Variants in TPRG1 observed in about 807,000 individuals in gnomAD.
The protein encoded by TPRG1 is tumor protein p63 regulated 1.
In TPRG1, 29 loss-of-function variants were observed where a neutral mutation model predicts 29.3. The observed-to-expected ratio is 0.99, with a 90% CI of 0.74 to 1.35. The LOEUF (loss-of-function observed/expected upper bound fraction) is 1.35, where lower values mean the gene tolerates loss of function less well. Among genes scored for constraint, TPRG1 ranks in the 40% most tolerant of loss-of-function variants. The pLI is 0.00. For missense variants in TPRG1, 327 were observed against 335.0 expected, an observed-to-expected ratio of 0.98 and a Z score of 0.19; for synonymous variants, 130 against 116.8, an observed-to-expected ratio of 1.11 and a Z score of -0.73.
At chr3:189,069,527 A>C (rs191719991) in intron 4 of TPRG1, among the ~76,000 whole-genome samples, 15 of 151,900 alleles carry the variant, frequency 9.9e-5, no homozygotes, top group African/African-American at 3.6e-4. Context: ...CATGGTATTT[A>C]TCTATATTAT....
At chr3:189,113,774 GGGGGGAC>G (rs1190867451) in intron 1 of TPRG1, among the ~76,000 whole-genome samples, 6 of 151,784 alleles carry the variant, frequency 4.0e-5, no homozygotes, top group Admixed American at 3.9e-4. Flanking sequence ...GTTGTGGGGT[GGGGGGAC>G]GGGGGACGGA....
chr3:189,264,011 A>T (rs1440002982), intron 4 of TPRG1, among the ~76,000 whole-genome samples: 3 of 152,140 alleles, frequency 2.0e-5, no homozygotes, highest in Non-Finnish European at 2.9e-5. Context: ...TACCCTTTTA[A>T]TTCTGGTTAA....
intron 4 of TPRG1, among the ~76,000 whole-genome samples, chr3:189,036,026 C>T (rs900723511): frequency 6.6e-6 from 1 of 151,842 alleles, no homozygotes; most frequent in Non-Finnish European, 1.5e-5. Flanking sequence ...AATCTAGATG[C>T]CCATTACTAG....
Position 189,289,300 on chromosome 3 carries a change from C to T in TPRG1, c.480-21086C>T, listed in dbSNP as rs571415652. 5.9e-5 allele frequency among the ~76,000 whole-genome samples: 9 copies of T among 152,254 alleles called. No individual in the cohort carries two copies. The South Asian group carries it at 1.0e-3, about 18-fold the overall frequency. Reference sequence around the variant, plus strand: ...GTCATTTTTCACTTCTTTCTCCCCCCGACCCCAAATCCAATCAGGTTGTCA... The same window carrying T: ...GTCATTTTTCACTTCTTTCTCCCCCTGACCCCAAATCCAATCAGGTTGTCA... On this transcript the variant is annotated intron_variant, in intron 4 of 5. Transcript: ENST00000345063.
chr3:189,125,813 T>TTGTGTGTG lies in TPRG1; in HGVS notation c.-743-1192_-743-1185dup, dbSNP rs751689409. On this transcript the variant is annotated intron_variant, in intron 1 of 6. Transcript: ENST00000412373. ...TCAGAAGATGGAGCTGCAGGGTGTT[T>TTGTGTGTG]TGTGTGTGTGTGTGTGTGTGTGTGT... Among the ~76,000 whole-genome samples the TTGTGTGTG allele has an allele frequency of 2.3e-3, 286 of 124,132 alleles. 5 individuals are homozygous for TTGTGTGTG. The highest frequency in any genetic ancestry group is 8.3e-3 in the Middle Eastern group (2 of 240). 81.4% of individuals were successfully genotyped at this position (124,132 alleles called of 152,430 possible).
At chr3:189,229,928 G>A (rs951126094) in intron 3 of TPRG1, among the ~76,000 whole-genome samples, 1 of 152,186 alleles carries the variant, frequency 6.6e-6, no homozygotes, top group Non-Finnish European at 1.5e-5. Context: ...AACAATGGAG[G>A]TGGCAAGATG....
At chr3:189,157,530 G>A (rs949698914) in intron 5 of TPRG1, among the ~76,000 whole-genome samples, 1 of 152,146 alleles carries the variant, frequency 6.6e-6, no homozygotes. Context: ...GCTCTGTGAG[G>A]CAGCCACACA....
chr3:189,301,848 A>G (rs9819388), intron 4 of TPRG1, among the ~76,000 whole-genome samples: 10,917 of 152,228 alleles, frequency 0.072, 484 homozygotes, highest in African/African-American at 0.13. Flanking sequence ...CTGACTCCTC[A>G]GTGACTCCTC....
chr3:189,262,963 T>C (rs1268832475), intron 4 of TPRG1, among the ~76,000 whole-genome samples: 1 of 152,234 alleles, frequency 6.6e-6, no homozygotes, highest in East Asian at 1.9e-4. Flanking sequence ...CCCTCAGAGA[T>C]GGCAAGAGAG....
chr3:189,052,898 A>G (rs1039414937), intron 4 of TPRG1, among the ~76,000 whole-genome samples: 1 of 152,216 alleles, frequency 6.6e-6, no homozygotes, highest in Non-Finnish European at 1.5e-5. Flanking sequence ...ACGCAAAGCC[A>G]TAAGAATGAT....
At chr3:189,280,288 G>C (rs1716893563) in intron 4 of TPRG1, among the ~76,000 whole-genome samples, 1 of 98,890 alleles carries the variant, frequency 1.0e-5, no homozygotes, top group Admixed American at 8.7e-5. Context: ...TAAATGAATG[G>C]ATATATATAA....
At chr3:189,190,958 A>G in intron 1 of TPRG1, 1 of 985,386 alleles carries the variant, frequency 1.0e-6, no homozygotes, top group Non-Finnish European at 1.2e-6. Flanking sequence ...ATAAATATTC[A>G]CAGAAGCAAG....
intron 4 of TPRG1, among the ~76,000 whole-genome samples, chr3:189,276,520 A>T (rs1395062817): frequency 3.3e-5 from 5 of 152,146 alleles, no homozygotes; most frequent in Admixed American, 2.6e-4. Flanking sequence ...TTGGGCTCTG[A>T]TGTCATGGTT....
At chr3:189,005,325 T>C (rs550827072) in intron 3 of TPRG1, among the ~76,000 whole-genome samples, 41 of 152,256 alleles carry the variant, frequency 2.7e-4, no homozygotes, top group East Asian at 9.7e-4. Context: ...TATATCTTAA[T>C]TGATTCACTG....
At position 189,165,832 on chromosome 3, in the gene TPRG1, G is replaced by A. The variant is rs905558220; in HGVS notation, c.-10+14960G>A. Among the ~76,000 whole-genome samples the A allele has an allele frequency of 7.2e-5, 11 of 152,300 alleles. No homozygotes were observed. The East Asian group carries it at 1.9e-3, about 27-fold the overall frequency. ...TGCCAAGAGGTGGAAACTGCTCACC[G>A]TGTGATTCAGGTGGCCATTGAGTGT... On this transcript the variant is annotated intron_variant, in intron 5 of 6. Coordinates refer to the TPRG1 transcript ENST00000412373.
intron 4 of TPRG1, chr3:189,024,045 C>G (rs990138514): frequency 2.6e-5 from 4 of 152,308 alleles, no homozygotes; most frequent in South Asian, 2.1e-4. Context: ...TGGGGGATCC[C>G]TTCAGTCCCC....
chr3:189,139,613 C>G (rs746512362), intron 3 of TPRG1, among the ~76,000 whole-genome samples: 3 of 151,634 alleles, frequency 2.0e-5, no homozygotes, highest in Non-Finnish European at 4.4e-5. Context: ...AATATAGCAG[C>G]GTTTTCTTTT....
chr3:189,160,982 A>G (rs1578602370), intron 5 of TPRG1, among the ~76,000 whole-genome samples: 1 of 152,266 alleles, frequency 6.6e-6, no homozygotes, highest in South Asian at 2.1e-4. Context: ...AATGGCCTGG[A>G]TTGGATTTTT....
intron 4 of TPRG1, among the ~76,000 whole-genome samples, chr3:189,282,926 G>A (rs1285587914): frequency 6.6e-6 from 1 of 152,218 alleles, no homozygotes; most frequent in Non-Finnish European, 1.5e-5. Flanking sequence ...CCAAGCTCAA[G>A]TTAAACTCTT....
Sources: allele counts gnomAD v4.1 joint callset (sites outside exome capture counted in the v4.1 genomes callset), GRCh38; gene constraint gnomAD v4.1.1; transcripts MANE v1.5; gene names NCBI Gene and HGNC (gene_info 2026-07-23, HGNC 2026-07-21).